The following ZBTB20 variants were observed in gnomAD, a reference collection of about 807,000 sequenced individuals.
The protein encoded by ZBTB20 is zinc finger and BTB domain-containing protein 20.
Under a neutral mutation model 56.9 loss-of-function variants are expected in ZBTB20, and 9 were observed. The ratio of observed to expected loss-of-function variants is 0.16; its 90% CI spans 0.10 to 0.28. The LOEUF is 0.28. Among genes scored for constraint, ZBTB20 ranks in the 10% least tolerant of loss-of-function variants. The pLI is 1.00. For synonymous variants in ZBTB20, 417 were observed against 420.7 expected, an observed-to-expected ratio of 0.99 and a Z score of 0.11; for missense variants, 655 against 1,003.0, an observed-to-expected ratio of 0.65 and a Z score of 4.69.
At chr3:114,556,093 T>C (rs1433597293) in intron 6 of ZBTB20, among the ~76,000 whole-genome samples, 2 of 152,112 alleles carry the variant, frequency 1.3e-5, no homozygotes, top group Admixed American at 1.3e-4. Context: ...AGGGTAAGCA[T>C]GCCAGTGAAA....
chr3:114,599,720 C>T (rs373106712), intron 6 of ZBTB20, among the ~76,000 whole-genome samples: 4 of 151,880 alleles, frequency 2.6e-5, no homozygotes, highest in South Asian at 4.1e-4. Flanking sequence ...CTGTTATTCC[C>T]ATTTTATAGA....
intron 4 of ZBTB20, among the ~76,000 whole-genome samples, chr3:114,822,829 A>C (rs2073327228): frequency 6.6e-6 from 1 of 152,108 alleles, no homozygotes; most frequent in Non-Finnish European, 1.5e-5. Flanking sequence ...GACTTCTACA[A>C]GTAGAATCAG....
intron 4 of ZBTB20, among the ~76,000 whole-genome samples, chr3:114,879,984 T>C (rs1281819329): frequency 1.3e-5 from 2 of 152,186 alleles, no homozygotes; most frequent in Non-Finnish European, 1.5e-5. Flanking sequence ...AAATTAAATA[T>C]TTGATTTTTT....
intron 5 of ZBTB20, among the ~76,000 whole-genome samples, chr3:114,706,257 T>A: frequency 6.6e-6 from 1 of 152,146 alleles, no homozygotes; most frequent in Non-Finnish European, 1.5e-5. Flanking sequence ...ATTAGAGACA[T>A]CCCAGCACAA....
intron 3 of ZBTB20, among the ~76,000 whole-genome samples, chr3:114,974,011 T>G (rs1169603843): frequency 6.7e-6 from 1 of 148,998 alleles, no homozygotes; most frequent in Admixed American, 6.7e-5. Flanking sequence ...TTTAAGCCAA[T>G]ATGTCTGTTT....
chr3:115,008,335 C>T (rs574177359), intron 2 of ZBTB20, among the ~76,000 whole-genome samples: 30 of 151,990 alleles, frequency 2.0e-4, no homozygotes, highest in African/African-American at 3.4e-4. Context: ...AAGCCCTTTC[C>T]TTTGTTTCCC....
chr3:114,390,420 A>G (rs950379512), intron 7 of ZBTB20, among the ~76,000 whole-genome samples: 1 of 152,150 alleles, frequency 6.6e-6, no homozygotes, highest in African/African-American at 2.4e-5. Context: ...TGTTCTGAGC[A>G]TTCCCTCTGT....
At position 114,566,820 on chromosome 3, in the gene ZBTB20, A is replaced by G. The variant is rs141635416; in HGVS notation, c.-294-66429T>C. Among the ~76,000 whole-genome samples, 464 of 152,318 alleles carry G rather than the reference A, an allele frequency of 3.0e-3. 11 individuals carry two copies. Among genetic ancestry groups the G allele is most frequent in the Admixed American group, 0.027 (408 of 15,294 alleles). On this transcript the variant is annotated intron_variant, in intron 6 of 11. Coordinates refer to ENST00000675478, the MANE Select transcript of ZBTB20 (RefSeq NM_001348800.3). ...TAGAGGTCCCCTTCACTGCATTGCC[A>G]AATCTATTTAGCAGAATCTTCTTGG...
intron 7 of ZBTB20, among the ~76,000 whole-genome samples, chr3:114,496,042 G>GATATA (rs1177294249): frequency 5.9e-5 from 9 of 152,096 alleles, no homozygotes; most frequent in African/African-American, 2.2e-4. Context: ...TATCCTCTGG[G>GATATA]ACATTTACAA....
intron 2 of ZBTB20, among the ~76,000 whole-genome samples, chr3:114,981,450 AAT>A (rs2078323073): frequency 6.6e-6 from 1 of 152,128 alleles, no homozygotes; most frequent in Non-Finnish European, 1.5e-5. Flanking sequence ...GCTGCTTTAA[AAT>A]CATTCCACAT....
chr3:114,784,095 G>T (rs1283266642), intron 5 of ZBTB20, among the ~76,000 whole-genome samples: 1 of 152,122 alleles, frequency 6.6e-6, no homozygotes, highest in Non-Finnish European at 1.5e-5. Flanking sequence ...TACACAGTGG[G>T]TTTTCTTTAG....
At chr3:114,590,614 G>T (rs1322383699) in intron 6 of ZBTB20, among the ~76,000 whole-genome samples, 1 of 151,916 alleles carries the variant, frequency 6.6e-6, no homozygotes, top group Non-Finnish European at 1.5e-5. Context: ...GTTATTATAG[G>T]AAATGATGGT....
intron 10 of ZBTB20, among the ~76,000 whole-genome samples, chr3:114,354,314 T>C (rs2080989422): frequency 6.6e-6 from 1 of 152,192 alleles, no homozygotes; most frequent in African/African-American, 2.4e-5. Flanking sequence ...GTAGGATGGA[T>C]TTATTACAAC....
At chr3:114,966,133 C>A (rs562144771) in intron 3 of ZBTB20, among the ~76,000 whole-genome samples, 3 of 152,186 alleles carry the variant, frequency 2.0e-5, no homozygotes, top group African/African-American at 7.2e-5. Context: ...AATGTCTAAA[C>A]ACATGGCCTA....
At chr3:114,830,469 G>A (rs1322568374) in intron 4 of ZBTB20, among the ~76,000 whole-genome samples, 4 of 151,860 alleles carry the variant, frequency 2.6e-5, no homozygotes, top group Non-Finnish European at 4.4e-5. Context: ...TCCCAAATAA[G>A]AGAATAATTA....
At chr3:114,533,865 A>T (rs962385446) in intron 6 of ZBTB20, among the ~76,000 whole-genome samples, 1 of 152,240 alleles carries the variant, frequency 6.6e-6, no homozygotes, top group South Asian at 2.1e-4. Context: ...TTTTCAACCC[A>T]GAATTTCATA....
At chr3:114,405,154 G>A (rs1417012392) in intron 7 of ZBTB20, among the ~76,000 whole-genome samples, 5 of 152,086 alleles carry the variant, frequency 3.3e-5, no homozygotes, top group African/African-American at 1.2e-4. Flanking sequence ...GAGAAAAGTT[G>A]TAGCCATGTA....
At chr3:114,834,877 T>A (rs899811933) in intron 4 of ZBTB20, among the ~76,000 whole-genome samples, 1 of 152,316 alleles carries the variant, frequency 6.6e-6, no homozygotes, top group South Asian at 2.1e-4. Flanking sequence ...GTTATATTTG[T>A]ATTAAAATAT....
chr3:114,669,680 T>C (rs1008141975), intron 6 of ZBTB20, among the ~76,000 whole-genome samples: 1 of 151,870 alleles, frequency 6.6e-6, no homozygotes, highest in Non-Finnish European at 1.5e-5. Context: ...TCATTTTTTC[T>C]AGGACCAGTT....
Sources: gnomAD v4.1 joint callset for allele counts (sites outside exome capture counted in the v4.1 genomes callset) on GRCh38, gnomAD v4.1.1 for gene constraint, MANE v1.5 for transcripts, NCBI Gene and HGNC (gene_info 2026-07-23, HGNC 2026-07-21) for gene names.